Variants in SAMD4A observed in about 807,000 individuals in gnomAD.
SAMD4A encodes sterile alpha motif domain containing 4A, also known as protein Smaug homolog 1.
In SAMD4A, 33 loss-of-function variants were observed where a neutral mutation model predicts 81.3. That is an observed-to-expected ratio of 0.41 (90% CI 0.31 to 0.54). The LOEUF (loss-of-function observed/expected upper bound fraction) is 0.54, where lower values mean the gene tolerates loss of function less well. Among genes scored for constraint, SAMD4A ranks in the 20% least tolerant of loss-of-function variants. The probability of loss-of-function intolerance (pLI) is 0.37; values close to 1 mark genes in which losing one functional copy is unlikely to be tolerated. For synonymous variants in SAMD4A, 389 were observed against 382.1 expected (o/e 1.02, Z -0.21); for missense variants, 854 against 951.1 (o/e 0.90, Z 1.34).
intron 2 of SAMD4A, among the ~76,000 whole-genome samples, chr14:54,578,106 A>G (rs28393757): frequency 0.021 from 3,266 of 152,254 alleles, 120 homozygotes; most frequent in African/African-American, 0.074. Flanking sequence ...GACCTCATTT[A>G]TTCTTCTCAA....
chr14:54,758,615 G>A (rs2038308314), intron 6 of SAMD4A, among the ~76,000 whole-genome samples: 1 of 152,128 alleles, frequency 6.6e-6, no homozygotes, highest in African/African-American at 2.4e-5. Context: ...GGACCACCTG[G>A]GGTCAGAAGT....
intron 2 of SAMD4A, among the ~76,000 whole-genome samples, chr14:54,621,403 G>T (rs1018902885): frequency 3.3e-5 from 5 of 152,106 alleles, no homozygotes; most frequent in Non-Finnish European, 7.4e-5. Context: ...AGGCTGGAGT[G>T]CAGTGGCATG....
chr14:54,732,591 G>A (rs1396373557), intron 3 of SAMD4A, among the ~76,000 whole-genome samples: 1 of 152,152 alleles, frequency 6.6e-6, no homozygotes, highest in Non-Finnish European at 1.5e-5. Flanking sequence ...CATTCAGCGT[G>A]TAAATTTAAA....
intron 2 of SAMD4A, among the ~76,000 whole-genome samples, chr14:54,684,244 G>A (rs1004547064): frequency 6.6e-6 from 1 of 152,176 alleles, no homozygotes; most frequent in African/African-American, 2.4e-5. Context: ...TACCGAGTTA[G>A]TGACACCTCT....
chr14:54,701,729 T>C (rs2036722445), intron 2 of SAMD4A, among the ~76,000 whole-genome samples: 1 of 152,272 alleles, frequency 6.6e-6, no homozygotes, highest in South Asian at 2.1e-4. Flanking sequence ...TAGCCCCCTG[T>C]CTATCAGGGG....
chr14:54,659,941 C>G (rs772798616), intron 2 of SAMD4A, among the ~76,000 whole-genome samples: 2 of 152,136 alleles, frequency 1.3e-5, no homozygotes, highest in Non-Finnish European at 2.9e-5. Context: ...ATTAGCCGAG[C>G]ATGGTGGCGC....
intron 2 of SAMD4A, among the ~76,000 whole-genome samples, chr14:54,582,728 A>G (rs1180894052): frequency 2.0e-5 from 3 of 152,222 alleles, no homozygotes; most frequent in African/African-American, 7.2e-5. Context: ...GCTGTTATCA[A>G]TTATACATTT....
intron 3 of SAMD4A, among the ~76,000 whole-genome samples, chr14:54,719,585 G>T (rs964236479): frequency 3.3e-5 from 5 of 152,100 alleles, no homozygotes; most frequent in Non-Finnish European, 7.4e-5. Context: ...GATCTGGCAG[G>T]GTTGCTAGTA....
At position 54,776,461 on chromosome 14, in the gene SAMD4A, C is replaced by T. The variant is rs1427365896; in HGVS notation, c.1965C>T (p.Arg655=). 6 of 1,595,106 alleles carry T rather than the reference C, an allele frequency of 3.8e-6. No individual in the cohort carries two copies. Among genetic ancestry groups the T allele is most frequent in the Non-Finnish European group, 5.1e-6 (6 of 1,171,792 alleles). Residue 655 remains arginine, a synonymous_variant, in exon 11 of 13, where the codon CGC becomes CGT. Coordinates refer to ENST00000554335, the MANE Select transcript of SAMD4A (RefSeq NM_015589.6). The stretch of plus-strand genomic sequence containing the variant: ...GGGGCAGCAATAGCATGCCAAGCCG[C>T]ACCCACAGCTCAGTCCAGAGGACCC... The part of the protein sequence containing the change: ...NPGGSNSMPS[R]THSSVQRTRS...
At chr14:54,568,692 TATATATATA>T (rs2033030453) in intron 2 of SAMD4A, among the ~76,000 whole-genome samples, 1 of 290 alleles carries the variant, frequency 3.4e-3, no homozygotes, top group African/African-American at 9.8e-3. Flanking sequence ...ATTTGCAGCA[TATATATATA>T]TATATATATA....
intron 8 of SAMD4A, among the ~76,000 whole-genome samples, chr14:54,769,812 G>A (rs1330851837): frequency 3.3e-5 from 5 of 152,310 alleles, no homozygotes; most frequent in Admixed American, 3.3e-4. Flanking sequence ...AGTCTGGAGT[G>A]GAGTCAGGAG....
intron 2 of SAMD4A, among the ~76,000 whole-genome samples, chr14:54,639,308 C>T (rs1445087400): frequency 6.6e-6 from 1 of 152,216 alleles, no homozygotes; most frequent in Non-Finnish European, 1.5e-5. Flanking sequence ...TCTCCTCTAG[C>T]CTGCAGTCAT....
intron 2 of SAMD4A, among the ~76,000 whole-genome samples, chr14:54,675,283 T>G (rs1349479860): frequency 6.8e-6 from 1 of 146,440 alleles, no homozygotes; most frequent in East Asian, 2.1e-4. Flanking sequence ...GGAGAATCAC[T>G]TGAACCTAGG....
intron 2 of SAMD4A, among the ~76,000 whole-genome samples, chr14:54,660,439 G>A (rs937270227): frequency 1.3e-5 from 2 of 152,212 alleles, no homozygotes; most frequent in Non-Finnish European, 2.9e-5. Flanking sequence ...TCACTTCAGT[G>A]TGCAAAGAGA....
At chr14:54,580,961 G>T (rs1343098077) in intron 2 of SAMD4A, among the ~76,000 whole-genome samples, 1 of 152,204 alleles carries the variant, frequency 6.6e-6, no homozygotes, top group Non-Finnish European at 1.5e-5. Flanking sequence ...TAACAAAACA[G>T]GTCAAGATGA....
intron 9 of SAMD4A, among the ~76,000 whole-genome samples, chr14:54,772,913 T>C (rs1037268223): frequency 1.3e-5 from 2 of 152,114 alleles, no homozygotes; most frequent in Non-Finnish European, 2.9e-5. Flanking sequence ...GTGAAACTTA[T>C]TCTACCCCTC....
intron 2 of SAMD4A, among the ~76,000 whole-genome samples, chr14:54,573,220 G>A (rs898471051): frequency 2.0e-5 from 3 of 152,190 alleles, no homozygotes; most frequent in Admixed American, 1.3e-4. Flanking sequence ...ACTCTTTGTT[G>A]TGAATAATTT....
upstream of SAMD4A, among the ~76,000 whole-genome samples, chr14:54,566,671 G>C (rs2032945498): frequency 6.6e-6 from 1 of 151,642 alleles, no homozygotes; most frequent in South Asian, 2.1e-4. Flanking sequence ...TGCCGCCCTC[G>C]GCCTGCGACG....
intron 4 of SAMD4A, among the ~76,000 whole-genome samples, chr14:54,746,441 T>A (rs1244307621): frequency 6.6e-6 from 1 of 152,222 alleles, no homozygotes; most frequent in Non-Finnish European, 1.5e-5. Context: ...AGGAGCCTTT[T>A]TTAGGAAAAC....
Sources: gnomAD v4.1 joint callset for allele counts (sites outside exome capture counted in the v4.1 genomes callset) on GRCh38, gnomAD v4.1.1 for gene constraint, MANE v1.5 for transcripts, NCBI Gene and HGNC (gene_info 2026-07-23, HGNC 2026-07-21) for gene names.